The following BBOX1 variants were observed in gnomAD, a reference collection of about 807,000 sequenced individuals.
The protein encoded by BBOX1 is gamma-butyrobetaine hydroxylase 1.
Under a neutral mutation model 41.6 loss-of-function variants are expected in BBOX1, and 35 were observed. The ratio of observed to expected loss-of-function variants is 0.84; its 90% CI spans 0.64 to 1.11. The LOEUF (loss-of-function observed/expected upper bound fraction) is 1.11. Among genes scored for constraint, BBOX1 ranks in the 50% most tolerant of loss-of-function variants. The pLI is 0.00. For synonymous variants in BBOX1, 163 were observed against 154.7 expected (o/e 1.05, Z -0.40); for missense variants, 458 against 460.6 (o/e 0.99, Z 0.05).
chr11:27,102,817 C>T (rs4539271), intron 5 of BBOX1, among the ~76,000 whole-genome samples: 144,200 of 152,204 alleles, frequency 0.95, 68,440 homozygotes, highest in African/African-American at 0.98. Flanking sequence ...ATTGGCTTGA[C>T]TAAATATAAA....
chr11:27,096,121 A>C (rs1164456268), intron 5 of BBOX1, among the ~76,000 whole-genome samples: 1 of 151,986 alleles, frequency 6.6e-6, no homozygotes, highest in Admixed American at 6.6e-5. Context: ...CTTCAATAGA[A>C]GTCAGGTCTC....
chr11:27,073,569 C>T (rs1175093405), intron 4 of BBOX1, among the ~76,000 whole-genome samples: 2 of 149,466 alleles, frequency 1.3e-5, no homozygotes, highest in Non-Finnish European at 2.9e-5. Context: ...TGGGTATATA[C>T]CCAAAGGATT....
At chr11:27,080,629 G>GATAAGGACAC (rs1290067651) in intron 4 of BBOX1, among the ~76,000 whole-genome samples, 1 of 152,072 alleles carries the variant, frequency 6.6e-6, no homozygotes, top group Non-Finnish European at 1.5e-5. Context: ...ATCAAGTAAT[G>GATAAGGACAC]ATAAGGACAC....
At chr11:27,104,027 A>G (rs547855848) in intron 5 of BBOX1, among the ~76,000 whole-genome samples, 1 of 152,188 alleles carries the variant, frequency 6.6e-6, no homozygotes, top group South Asian at 2.1e-4. Context: ...CTTTATCAGG[A>G]CCTTGTTTTT....
intron 5 of BBOX1, among the ~76,000 whole-genome samples, chr11:27,097,037 A>T (rs1285252934): frequency 6.6e-6 from 1 of 152,024 alleles, no homozygotes; most frequent in Non-Finnish European, 1.5e-5. Flanking sequence ...CTTGATAATG[A>T]TGAATACTTT....
intron 4 of BBOX1, among the ~76,000 whole-genome samples, chr11:27,084,075 A>C (rs1194868855): frequency 3.3e-5 from 5 of 152,140 alleles, no homozygotes; most frequent in Non-Finnish European, 7.4e-5. Flanking sequence ...CACACAAGAA[A>C]GGACAAAAAG....
chr11:27,110,891 T>C (rs1416730185), intron 5 of BBOX1, among the ~76,000 whole-genome samples: 1 of 151,960 alleles, frequency 6.6e-6, no homozygotes, highest in Non-Finnish European at 1.5e-5. Flanking sequence ...TCAAATGGCA[T>C]GTATATATAG....
intron 2 of BBOX1, among the ~76,000 whole-genome samples, chr11:27,048,354 C>A (rs1851557340): frequency 6.6e-6 from 1 of 152,002 alleles, no homozygotes; most frequent in African/African-American, 2.4e-5. Context: ...TATCATATTG[C>A]ATTTGTCTTT....
intron 8 of BBOX1, among the ~76,000 whole-genome samples, chr11:27,126,719 A>C (rs2134121079): frequency 7.1e-6 from 1 of 141,424 alleles, no homozygotes; most frequent in East Asian, 2.0e-4. Flanking sequence ...TCTGTCGCCC[A>C]GGCTGGAGTA....
intron 8 of BBOX1, 61 bp downstream of exon 8, chr11:27,125,881 T>G: frequency 3.3e-6 from 5 of 1,527,358 alleles, no homozygotes; most frequent in Admixed American, 4.0e-5. Flanking sequence ...CTTAACCACC[T>G]AGAATTATAT....
At chr11:27,097,498 C>T (rs1858481911) in intron 5 of BBOX1, among the ~76,000 whole-genome samples, 1 of 152,012 alleles carries the variant, frequency 6.6e-6, no homozygotes, top group Non-Finnish European at 1.5e-5. Context: ...TGGCACTGTA[C>T]CAGGCATTTT....
chr11:27,050,666 C>T (rs1479756984), intron 2 of BBOX1, among the ~76,000 whole-genome samples: 2 of 152,090 alleles, frequency 1.3e-5, no homozygotes, highest in Non-Finnish European at 2.9e-5. Context: ...TACATAAATG[C>T]TACGAATATT....
intron 5 of BBOX1, among the ~76,000 whole-genome samples, chr11:27,104,802 GTC>G (rs2134069999): frequency 1.3e-5 from 2 of 152,256 alleles, no homozygotes; most frequent in South Asian, 4.1e-4. Context: ...CCTCAAGTGG[GTC>G]CCTGACCCCT....
intron 4 of BBOX1, among the ~76,000 whole-genome samples, chr11:27,069,270 A>G (rs868384769): frequency 6.6e-6 from 1 of 152,120 alleles, no homozygotes; most frequent in South Asian, 2.1e-4. Flanking sequence ...AATGTTTTGT[A>G]GTTCTCCTTA....
intron 4 of BBOX1, among the ~76,000 whole-genome samples, chr11:27,071,973 G>A (rs1857465869): frequency 1.3e-5 from 2 of 152,100 alleles, no homozygotes; most frequent in African/African-American, 4.8e-5. Flanking sequence ...CATACTGAAT[G>A]GGCAAAAACT....
intron 4 of BBOX1, among the ~76,000 whole-genome samples, chr11:27,073,656 C>G (rs1857535412): frequency 6.6e-6 from 1 of 152,036 alleles, no homozygotes; most frequent in Non-Finnish European, 1.5e-5. Flanking sequence ...ATACTTGGAA[C>G]CAACCCAAAT....
At chr11:27,127,160 GTT>G in intron 8 of BBOX1, 131 bp from the exon 9 acceptor site, 1 of 1,008,098 alleles carries the variant, frequency 9.9e-7, no homozygotes, top group Non-Finnish European at 1.4e-6. Flanking sequence ...TAAATGTGCA[GTT>G]TCATGTAAAG....
At chr11:27,124,835 T>C (rs1334053111) in intron 7 of BBOX1, among the ~76,000 whole-genome samples, 1 of 152,214 alleles carries the variant, frequency 6.6e-6, no homozygotes, top group Non-Finnish European at 1.5e-5. Flanking sequence ...TCTTTCTTTA[T>C]ATTAAATGCT....
At position 27,125,767 on chromosome 11, in the gene BBOX1, T is replaced by C. The variant is rs1859629520; in HGVS notation, c.950T>C (p.Phe317Ser). ...VQPFYAALKE[F>S]VDLMNSKESK... is the part of the protein sequence containing the mutation. The stretch of plus-strand genomic sequence containing the variant: ...CCTTTTTATGCTGCTCTGAAGGAGT[T>C]TGTTGACCTCATGAACAGCAAAGAA... Residue 317 changes from phenylalanine to serine, a missense_variant, in exon 8 of 9, where the codon TTT becomes TCT. Physicochemically the swap from Phe to Ser is radical, Grantham distance 155 (BLOSUM62 -2). Coordinates refer to ENST00000263182, the MANE Select transcript of BBOX1 (RefSeq NM_003986.3). 1.2e-6 allele frequency: 2 copies of C among 1,613,754 alleles called. No individual in the cohort carries two copies. The highest frequency in any genetic ancestry group is 2.2e-5 in the East Asian group (1 of 44,872).
Sources: allele counts gnomAD v4.1 joint callset (sites outside exome capture counted in the v4.1 genomes callset), GRCh38; gene constraint gnomAD v4.1.1; transcripts MANE v1.5; gene names NCBI Gene and HGNC (gene_info 2026-07-23, HGNC 2026-07-21).